PTPRD: variants seen among roughly 807,000 people sequenced by gnomAD.
PTPRD encodes receptor-type tyrosine-protein phosphatase delta.
PTPRD carries 34 observed loss-of-function variants against 214.5 expected under a neutral mutation model. The ratio of observed to expected loss-of-function variants is 0.16; its 90% CI spans 0.12 to 0.21. The LOEUF (loss-of-function observed/expected upper bound fraction) is 0.21. Ranked by LOEUF, PTPRD falls within the 10% of genes least tolerant of loss-of-function variation. The pLI, the probability that PTPRD is intolerant of heterozygous loss-of-function variation, is 1.00. For missense variants in PTPRD, 2,545 were observed against 2,398.7 expected, an observed-to-expected ratio of 1.06 and a Z score of -1.27; for synonymous variants, 1,128 against 845.7, an observed-to-expected ratio of 1.33 and a Z score of -5.79.
intron 35 of PTPRD, among the ~76,000 whole-genome samples, chr9:8,430,488 GCTGGTCTCAAACTC>G (rs1327460831): frequency 6.6e-6 from 1 of 150,820 alleles, no homozygotes; most frequent in Non-Finnish European, 1.5e-5. Context: ...TGTTGCCTAG[GCTGGTCTCAAACTC>G]CTGGACTCAA....
intron 5 of PTPRD, among the ~76,000 whole-genome samples, chr9:9,858,811 C>T (rs1352703355): frequency 6.6e-6 from 1 of 152,142 alleles, no homozygotes; most frequent in Non-Finnish European, 1.5e-5. Flanking sequence ...AGACCCAAAT[C>T]AACAGTTATT....
intron 8 of PTPRD, among the ~76,000 whole-genome samples, chr9:9,427,578 T>C (rs1047086909): frequency 6.6e-6 from 1 of 152,044 alleles, no homozygotes; most frequent in Non-Finnish European, 1.5e-5. Flanking sequence ...AAAGATACTC[T>C]TCAAGAAGAG....
At chr9:10,345,561 T>G (rs199916821) in intron 2 of PTPRD, among the ~76,000 whole-genome samples, 7 of 152,166 alleles carry the variant, frequency 4.6e-5, no homozygotes, top group African/African-American at 1.4e-4. Flanking sequence ...TGATGGTTTC[T>G]AGCTTCATCC....
At chr9:8,812,360 T>C (rs114373029) in intron 11 of PTPRD, among the ~76,000 whole-genome samples, 1 of 152,338 alleles carries the variant, frequency 6.6e-6, no homozygotes, top group African/African-American at 2.4e-5. Context: ...CAGTCATTCT[T>C]GGATAATAAC....
At position 8,802,300 on chromosome 9, in the gene PTPRD, GA is replaced by G. The variant is rs1428346564; in HGVS notation, c.-103-68355del. Among the ~76,000 whole-genome samples, 173 of 152,136 alleles carry G rather than the reference GA, an allele frequency of 1.1e-3. 3 individuals carry two copies. Among genetic ancestry groups the G allele is most frequent in the Non-Finnish European group, 1.5e-4 (10 of 68,028 alleles). On this transcript the variant is annotated intron_variant, in intron 11 of 45. Transcript: ENST00000381196. The stretch of plus-strand genomic sequence containing the variant: ...AAGTCTGAGTGTAGAAAGCAATACA[GA>G]AATCTCTACTTCAGACACCATGTAT...
chr9:8,777,689 G>A (rs941629627), intron 11 of PTPRD, among the ~76,000 whole-genome samples: 2 of 152,134 alleles, frequency 1.3e-5, no homozygotes, highest in African/African-American at 4.8e-5. Flanking sequence ...TGGTATGAAG[G>A]TCAGTGATAA....
intron 10 of PTPRD, among the ~76,000 whole-genome samples, chr9:9,161,517 T>G (rs937003699): frequency 6.6e-6 from 1 of 152,166 alleles, no homozygotes; most frequent in Non-Finnish European, 1.5e-5. Context: ...AGAGATTTAA[T>G]TTTTAAATTT....
chr9:10,160,417 C>T (rs572024621), intron 3 of PTPRD, among the ~76,000 whole-genome samples: 2 of 151,988 alleles, frequency 1.3e-5, no homozygotes, highest in South Asian at 4.1e-4. Context: ...TTTACCCAAC[C>T]TTTCAAGAAG....
At chr9:10,467,147 A>G (rs1325702397) in intron 2 of PTPRD, among the ~76,000 whole-genome samples, 1 of 152,186 alleles carries the variant, frequency 6.6e-6, no homozygotes, top group Non-Finnish European at 1.5e-5. Context: ...CTAGTCTATC[A>G]ATGTTAACAG....
chr9:8,448,151 T>C (rs2095806889), intron 34 of PTPRD, among the ~76,000 whole-genome samples: 1 of 151,348 alleles, frequency 6.6e-6, no homozygotes, highest in Non-Finnish European at 1.5e-5. Context: ...ACGGCCAAAC[T>C]CCACCTCCAC....
chr9:8,794,207 TAAAAAATATCACTGCA>T (rs1396268034), intron 11 of PTPRD, among the ~76,000 whole-genome samples: 2 of 152,156 alleles, frequency 1.3e-5, no homozygotes, highest in Non-Finnish European at 2.9e-5. Flanking sequence ...TAAACTCATT[TAAAAAATATCACTGCA>T]AAAAATAAAT....
chr9:9,509,029 C>T (rs1029345188), intron 8 of PTPRD, among the ~76,000 whole-genome samples: 25 of 150,808 alleles, frequency 1.7e-4, no homozygotes, highest in Non-Finnish European at 3.4e-4. Context: ...GTTGTAAAAC[C>T]TTTCCAAGAA....
intron 10 of PTPRD, among the ~76,000 whole-genome samples, chr9:9,088,185 G>C (rs1402107044): frequency 6.6e-6 from 1 of 151,808 alleles, no homozygotes; most frequent in South Asian, 2.1e-4. Flanking sequence ...CCCGGCCAGA[G>C]CCCTAAACTT....
chr9:10,180,787 T>A (rs2099277954), intron 3 of PTPRD, among the ~76,000 whole-genome samples: 1 of 151,990 alleles, frequency 6.6e-6, no homozygotes, highest in South Asian at 2.1e-4. Context: ...TGTAAATATT[T>A]ACATGTATCA....
chr9:9,022,271 T>G lies in PTPRD; in HGVS notation c.-142-3536A>C, dbSNP rs537395608. ...ACGTGTGCAGGGTTTATAAAGTCTA[T>G]AGTAATGTGCAGTCTTGTCCTTGTC... On this transcript the variant is annotated intron_variant, in intron 10 of 45. Transcript: ENST00000381196. 1.8e-3 allele frequency among the ~76,000 whole-genome samples: 269 copies of G among 152,252 alleles called. 2 individuals carry two copies. Among genetic ancestry groups the G allele is most frequent in the African/African-American group, 6.2e-3 (256 of 41,546 alleles).
chr9:10,327,278 G>A (rs927801768), intron 3 of PTPRD, among the ~76,000 whole-genome samples: 4 of 149,674 alleles, frequency 2.7e-5, no homozygotes, highest in African/African-American at 4.9e-5. Context: ...GAGCTAATAC[G>A]AACCCTAAAT....
chr9:10,081,369 T>C (rs2098234009), intron 3 of PTPRD, among the ~76,000 whole-genome samples: 1 of 152,072 alleles, frequency 6.6e-6, no homozygotes, highest in African/African-American at 2.4e-5. Flanking sequence ...ACTGAACGCT[T>C]GTATCCCCTC....
chr9:10,219,528 T>G (rs763197667), intron 3 of PTPRD, among the ~76,000 whole-genome samples: 13 of 151,822 alleles, frequency 8.6e-5, no homozygotes, highest in Non-Finnish European at 1.6e-4. Context: ...GGCCCATTTG[T>G]GTAGAGTTAA....
intron 4 of PTPRD, among the ~76,000 whole-genome samples, chr9:9,962,045 A>C (rs991893457): frequency 1.3e-5 from 2 of 152,126 alleles, no homozygotes; most frequent in South Asian, 4.1e-4. Context: ...ATCCCATAGA[A>C]ACAAGTATAA....
Sources: allele counts gnomAD v4.1 joint callset (sites outside exome capture counted in the v4.1 genomes callset), GRCh38; gene constraint gnomAD v4.1.1; transcripts MANE v1.5; gene names NCBI Gene and HGNC (gene_info 2026-07-23, HGNC 2026-07-21).